The following PUDP variants were observed in gnomAD, a reference collection of about 807,000 sequenced individuals.
PUDP encodes pseudouridine 5'-phosphatase, also known as pseudouridine-5'-phosphatase.
PUDP carries 8 observed loss-of-function variants against 9.4 expected under a neutral mutation model. The observed-to-expected ratio is 0.85, with a 90% CI of 0.50 to 1.53. The LOEUF is 1.53. PUDP is among the 40% of genes most tolerant of loss of function. The pLI is 0.00. For synonymous variants in PUDP, 99 were observed against 80.7 expected (o/e 1.23, Z -1.22); for missense variants, 188 against 189.7 (o/e 0.99, Z 0.05).
chrX:7,064,112 G>T (rs971763184), intron 3 of PUDP, among the ~76,000 whole-genome samples: 1 of 111,378 alleles, frequency 9.0e-6, no homozygotes, highest in Non-Finnish European at 1.9e-5. Context: ...AAAACAGTAC[G>T]TATTCAACGT....
At chrX:7,089,088 T>G (rs1569156869) in intron 2 of PUDP, among the ~76,000 whole-genome samples, 1 of 111,817 alleles carries the variant, frequency 8.9e-6, no homozygotes, top group African/African-American at 3.3e-5. Context: ...GAGGACAACA[T>G]TTCAGATGTG....
chrX:6,962,126 T>C (rs1928717863), intron 3 of PUDP, among the ~76,000 whole-genome samples: 1 of 112,056 alleles, frequency 8.9e-6, no homozygotes, highest in African/African-American at 3.2e-5. Context: ...GTGTTGAGCA[T>C]ACAAAATTCA....
intron 1 of PUDP, among the ~76,000 whole-genome samples, chrX:7,121,984 G>A (rs1026231916): frequency 7.2e-5 from 8 of 111,607 alleles, no homozygotes; most frequent in South Asian, 3.7e-4. Context: ...CCAAGAGTTC[G>A]AGACCAGCCT....
At chrX:7,008,933 C>G in intron 1 of PUDP, among the ~76,000 whole-genome samples, 1 of 112,280 alleles carries the variant, frequency 8.9e-6, no homozygotes, top group Middle Eastern at 4.6e-3. Flanking sequence ...TACTACTTAA[C>G]TATTTACATT....
rs777096364 is a variant in PUDP at position 6,884,668 on chromosome X, G to T, written c.*247+92465C>A. On this transcript the variant is annotated intron_variant and NMD_transcript_variant, in intron 3 of 3. Coordinates refer to the PUDP transcript ENST00000655425. ...TGCCTGCAGCTCTCCAACCGAAAGC[G>T]CTAAGCCCAGAAACAGGTACAACGT... Among the ~76,000 whole-genome samples, 87 of 111,953 alleles carry T rather than the reference G, an allele frequency of 7.8e-4. 1 individual carries two copies. Among genetic ancestry groups the T allele is most frequent in the Middle Eastern group, 4.6e-3 (1 of 219 alleles).
At chrX:6,888,228 T>C (rs1260799039) in intron 3 of PUDP, among the ~76,000 whole-genome samples, 1 of 111,529 alleles carries the variant, frequency 9.0e-6, no homozygotes, top group Non-Finnish European at 1.9e-5. Flanking sequence ...CGTGGAATGC[T>C]GTGTGACAAC....
chrX:7,125,829 T>G (rs1228974585), intron 1 of PUDP, among the ~76,000 whole-genome samples: 1 of 110,630 alleles, frequency 9.0e-6, no homozygotes, highest in East Asian at 2.9e-4. Context: ...TTATTCACTA[T>G]CACGAGAACA....
intron 3 of PUDP, among the ~76,000 whole-genome samples, chrX:6,886,350 A>G (rs771987220): frequency 8.9e-6 from 1 of 112,280 alleles, no homozygotes; most frequent in South Asian, 3.7e-4. Flanking sequence ...CTGTCTTGAT[A>G]TCAGATGAAC....
At chrX:6,830,134 G>A (rs1005272067) in intron 3 of PUDP, among the ~76,000 whole-genome samples, 1 of 109,624 alleles carries the variant, frequency 9.1e-6, no homozygotes, top group East Asian at 2.9e-4. Flanking sequence ...ACACATACCC[G>A]GTCTCTTGGC....
chrX:7,032,425 G>A (rs1203499005), intron 1 of PUDP, among the ~76,000 whole-genome samples: 1 of 112,176 alleles, frequency 8.9e-6, no homozygotes, highest in Admixed American at 9.5e-5. Context: ...GATATTCATT[G>A]TAGCATTATT....
chrX:6,744,997 C>T (rs1390910859), intron 3 of PUDP, among the ~76,000 whole-genome samples: 1 of 111,762 alleles, frequency 8.9e-6, no homozygotes, highest in Admixed American at 9.5e-5. Context: ...TTTCTGCCAC[C>T]AGTCAGCAAC....
At chrX:7,082,346 C>T (rs1004715482) in intron 2 of PUDP, among the ~76,000 whole-genome samples, 1 of 112,417 alleles carries the variant, frequency 8.9e-6, no homozygotes, top group East Asian at 2.8e-4. Flanking sequence ...AGGCAGCTGC[C>T]GCGCGGTCTC....
chrX:7,002,713 C>T (rs1056818742), intron 1 of PUDP, among the ~76,000 whole-genome samples: 7 of 111,109 alleles, frequency 6.3e-5, no homozygotes, highest in Non-Finnish European at 1.1e-4. Flanking sequence ...AGAGAGGCAG[C>T]GCCAGGAGGG....
intron 2 of PUDP, among the ~76,000 whole-genome samples, chrX:7,095,442 C>A (rs1569158555): frequency 1.8e-5 from 2 of 112,378 alleles, no homozygotes; most frequent in Admixed American, 9.4e-5. Context: ...GGAAAAGTGG[C>A]ATGAATACCC....
chrX:6,856,144 C>T (rs1926902618), intron 3 of PUDP, among the ~76,000 whole-genome samples: 1 of 110,810 alleles, frequency 9.0e-6, no homozygotes, highest in African/African-American at 3.3e-5. Flanking sequence ...GCAGGCATTA[C>T]CAATGTTGGA....
chrX:7,057,772 G>A (rs1010100471), intron 3 of PUDP: 189 of 1,152,165 alleles, frequency 1.6e-4, no homozygotes, highest in Non-Finnish European at 2.1e-4. Context: ...AAGGGATCCC[G>A]GCAGCCCTGG....
intron 3 of PUDP, among the ~76,000 whole-genome samples, chrX:6,752,927 T>C (rs183915308): frequency 3.2e-4 from 36 of 112,004 alleles, no homozygotes; most frequent in African/African-American, 9.7e-4. Flanking sequence ...TAGTTAAATA[T>C]ATGCATATAG....
chrX:6,844,945 A>G (rs773510099), intron 3 of PUDP, among the ~76,000 whole-genome samples: 88 of 112,377 alleles, frequency 7.8e-4, no homozygotes, highest in African/African-American at 2.4e-3. Context: ...GTCCCAGCTC[A>G]AGAAGAGAAA....
At chrX:6,948,896 G>T (rs1928509213) in intron 3 of PUDP, among the ~76,000 whole-genome samples, 1 of 111,828 alleles carries the variant, frequency 8.9e-6, no homozygotes, top group Admixed American at 9.5e-5. Context: ...AACTAGGCTG[G>T]TATCATGCTC....
Sources: gnomAD v4.1 joint callset for allele counts (sites outside exome capture counted in the v4.1 genomes callset) on GRCh38, gnomAD v4.1.1 for gene constraint, MANE v1.5 for transcripts, NCBI Gene and HGNC (gene_info 2026-07-23, HGNC 2026-07-21) for gene names.